The following PLXDC2 variants were observed in gnomAD, a reference collection of about 807,000 sequenced individuals.
The protein encoded by PLXDC2 is plexin domain containing 2.
Under a neutral mutation model 68.9 loss-of-function variants are expected in PLXDC2, and 40 were observed. The ratio of observed to expected loss-of-function variants is 0.58; its 90% CI spans 0.45 to 0.76. The LOEUF (loss-of-function observed/expected upper bound fraction) is 0.76. PLXDC2 is among the 30% of genes least tolerant of loss of function. PLXDC2 has a pLI of 0.00. For synonymous variants in PLXDC2, 243 were observed against 234.2 expected, an observed-to-expected ratio of 1.04 and a Z score of -0.34; for missense variants, 644 against 661.9, an observed-to-expected ratio of 0.97 and a Z score of 0.30.
intron 2 of PLXDC2, among the ~76,000 whole-genome samples, chr10:20,034,179 G>T (rs1179658825): frequency 2.0e-4 from 30 of 152,090 alleles, no homozygotes. Context: ...CTCTTTACCT[G>T]TCCTTCCTGT....
At chr10:20,244,685 T>C (rs1160439542) in intron 12 of PLXDC2, among the ~76,000 whole-genome samples, 1 of 152,214 alleles carries the variant, frequency 6.6e-6, no homozygotes, top group African/African-American at 2.4e-5. Context: ...TCAAAATTAA[T>C]CAGCTTTTCC....
At position 19,829,841 on chromosome 10, in the gene PLXDC2, A is replaced by C. The variant is rs1488581049; in HGVS notation, c.112+12650A>C. 2.0e-5 allele frequency among the ~76,000 whole-genome samples: 3 copies of C among 152,362 alleles called. No individual in the cohort carries two copies. In the East Asian group the frequency reaches 5.8e-4, roughly 29 times the overall value. On this transcript the variant is annotated intron_variant, in intron 1 of 13. Coordinates refer to ENST00000377252, the MANE Select transcript of PLXDC2 (RefSeq NM_032812.9). ...TGTGAAGAACTGAGAACTCATTTAC[A>C]AAGGATGATTTACAAATTGTCCAGT...
At chr10:20,201,420 G>T (rs1206377831) in intron 9 of PLXDC2, among the ~76,000 whole-genome samples, 2 of 151,996 alleles carry the variant, frequency 1.3e-5, no homozygotes, top group Non-Finnish European at 2.9e-5. Flanking sequence ...GGGAGAAAGG[G>T]AGAGATTTGT....
intron 4 of PLXDC2, among the ~76,000 whole-genome samples, chr10:20,140,654 T>C (rs1323230371): frequency 6.6e-6 from 1 of 152,074 alleles, no homozygotes; most frequent in East Asian, 1.9e-4. Context: ...GTGATATTTT[T>C]AAAATCTGGA....
intron 1 of PLXDC2, among the ~76,000 whole-genome samples, chr10:19,890,622 G>A (rs1589522072): frequency 7.8e-6 from 1 of 128,266 alleles, no homozygotes; most frequent in Non-Finnish European, 1.6e-5. Context: ...TGATCCACCC[G>A]CCTCAGCATC....
intron 2 of PLXDC2, among the ~76,000 whole-genome samples, chr10:20,043,852 G>A (rs146281691): frequency 5.7e-4 from 86 of 151,922 alleles, no homozygotes; most frequent in African/African-American, 2.0e-3. Context: ...TTCAGTGAAT[G>A]ATATAAAGTG....
At chr10:20,207,875 T>A (rs1442545138) in intron 9 of PLXDC2, among the ~76,000 whole-genome samples, 1 of 141,120 alleles carries the variant, frequency 7.1e-6, no homozygotes, top group African/African-American at 2.6e-5. Context: ...TGAGAGATTG[T>A]CTTCTGTGTT....
chr10:19,845,891 C>T (rs533684146), intron 1 of PLXDC2, among the ~76,000 whole-genome samples: 52 of 152,222 alleles, frequency 3.4e-4, no homozygotes, highest in Admixed American at 2.0e-3. Flanking sequence ...GCATGCCATA[C>T]TAGTGGGCCT....
chr10:20,070,234 A>C (rs186543230), intron 4 of PLXDC2, among the ~76,000 whole-genome samples: 1 of 152,328 alleles, frequency 6.6e-6, no homozygotes, highest in African/African-American at 2.4e-5. Flanking sequence ...TAAGAAGATG[A>C]ATATAGATGT....
At chr10:20,201,855 G>A (rs553934401) in intron 9 of PLXDC2, among the ~76,000 whole-genome samples, 3 of 152,138 alleles carry the variant, frequency 2.0e-5, no homozygotes, top group Admixed American at 6.5e-5. Context: ...TTGTGATTCC[G>A]ATTAATTGAG....
chr10:20,123,486 T>G (rs1243485370), intron 4 of PLXDC2, among the ~76,000 whole-genome samples: 1 of 151,938 alleles, frequency 6.6e-6, no homozygotes, highest in East Asian at 1.9e-4. Context: ...TCTGGCTATT[T>G]GGAACTACTG....
intron 9 of PLXDC2, among the ~76,000 whole-genome samples, chr10:20,189,037 C>A: frequency 1.3e-5 from 1 of 75,418 alleles, no homozygotes; most frequent in African/African-American, 3.2e-5. Flanking sequence ...AATGAAGAAT[C>A]TTCGCTTTTC....
intron 4 of PLXDC2, among the ~76,000 whole-genome samples, chr10:20,126,191 A>G (rs1833773243): frequency 6.8e-6 from 1 of 145,994 alleles, no homozygotes; most frequent in African/African-American, 2.5e-5. Flanking sequence ...TATATAATAC[A>G]TATATGTATA....
intron 1 of PLXDC2, among the ~76,000 whole-genome samples, chr10:19,818,711 C>G (rs1333804596): frequency 6.6e-6 from 1 of 152,072 alleles, no homozygotes; most frequent in Non-Finnish European, 1.5e-5. Flanking sequence ...GTTTATTTCT[C>G]TGATACGTTT....
At chr10:20,087,835 G>T (rs1409271172) in intron 4 of PLXDC2, among the ~76,000 whole-genome samples, 1 of 152,040 alleles carries the variant, frequency 6.6e-6, no homozygotes, top group East Asian at 1.9e-4. Context: ...TATTTCATCC[G>T]AATTTTTTTA....
intron 1 of PLXDC2, among the ~76,000 whole-genome samples, chr10:19,936,634 T>C (rs1213339320): frequency 1.3e-5 from 2 of 152,210 alleles, no homozygotes; most frequent in Non-Finnish European, 2.9e-5. Flanking sequence ...ACTGATCTCA[T>C]TGTGCACATA....
intron 1 of PLXDC2, among the ~76,000 whole-genome samples, chr10:19,882,402 T>C (rs1426989227): frequency 1.3e-5 from 2 of 152,100 alleles, no homozygotes; most frequent in African/African-American, 4.8e-5. Context: ...AGGGTCAACA[T>C]CATCAGGAAG....
intron 13 of PLXDC2, among the ~76,000 whole-genome samples, chr10:20,267,219 G>A (rs928291459): frequency 2.4e-4 from 36 of 152,098 alleles, no homozygotes; most frequent in African/African-American, 8.0e-4. Context: ...ATAAATATTC[G>A]CCTTTTAAAA....
Position 19,935,674 on chromosome 10 carries a change from A to G in PLXDC2, c.113-66101A>G, listed in dbSNP as rs573531236. Among the ~76,000 whole-genome samples the G allele has an allele frequency of 7.9e-5, 12 of 152,312 alleles. No homozygotes were observed. The East Asian group carries it at 2.3e-3, about 29-fold the overall frequency. ...ACACTGATGCATTGACCTGCCTCCT[A>G]TGTTTTAAAGTCCTGTTCACAATAA... On this transcript the variant is annotated intron_variant, in intron 1 of 13. Coordinates refer to ENST00000377252, the MANE Select transcript of PLXDC2 (RefSeq NM_032812.9).
Sources: gnomAD v4.1 joint callset for allele counts (sites outside exome capture counted in the v4.1 genomes callset) on GRCh38, gnomAD v4.1.1 for gene constraint, MANE v1.5 for transcripts, NCBI Gene and HGNC (gene_info 2026-07-23, HGNC 2026-07-21) for gene names.